CHIC1: variants seen among roughly 807,000 people sequenced by gnomAD.
CHIC1 encodes cysteine-rich hydrophobic domain-containing protein 1.
Under a neutral mutation model 18.5 loss-of-function variants are expected in CHIC1, and 7 were observed. That is an observed-to-expected ratio of 0.38 (90% CI 0.22 to 0.71). The LOEUF is 0.71. Ranked by LOEUF, CHIC1 falls within the 30% of genes least tolerant of loss-of-function variation. CHIC1 has a pLI of 0.49. For synonymous variants in CHIC1, 77 were observed against 73.5 expected, an observed-to-expected ratio of 1.05 and a Z score of -0.25; for missense variants, 159 against 176.9, an observed-to-expected ratio of 0.90 and a Z score of 0.57.
intron 3 of CHIC1, among the ~76,000 whole-genome samples, chrX:73,658,030 G>T (rs1156639879): frequency 1.8e-5 from 2 of 110,968 alleles, no homozygotes; most frequent in Admixed American, 1.9e-4. Flanking sequence ...GTATTTTGTT[G>T]AGGATTTTTG....
At chrX:73,624,789 C>T (rs1174851013) in intron 3 of CHIC1, among the ~76,000 whole-genome samples, 1 of 111,773 alleles carries the variant, frequency 8.9e-6, no homozygotes, top group African/African-American at 3.3e-5. Flanking sequence ...GATCCTAAGC[C>T]CATGTTCTAT....
rs1233578164 is a variant in CHIC1, at chrX:73,655,526, GTA to G, written c.508-23789_508-23788del. On this transcript the variant is annotated intron_variant, in intron 3 of 5. Coordinates refer to ENST00000373502, the MANE Select transcript of CHIC1 (RefSeq NM_001039840.4). ...TATATACATATATACACAATATTGT[GTA>G]TATATATATACATATATATACAATA... Among the ~76,000 whole-genome samples, 85 of 69,518 alleles carry G rather than the reference GTA, an allele frequency of 1.2e-3. 1 individual carries two copies. Among genetic ancestry groups the G allele is most frequent in the African/African-American group, 5.1e-3 (73 of 14,441 alleles). The allele number at this position is 69,518 out of a possible 115,157, so 60.4% of individuals were successfully genotyped here.
chrX:73,626,679 A>T (rs1427395018), intron 3 of CHIC1, among the ~76,000 whole-genome samples: 2 of 110,993 alleles, frequency 1.8e-5, no homozygotes, highest in African/African-American at 6.6e-5. Flanking sequence ...AATTTATCCG[A>T]TAGAATTCTG....
At chrX:73,669,224 C>T (rs1441144714) in intron 3 of CHIC1, among the ~76,000 whole-genome samples, 1 of 111,962 alleles carries the variant, frequency 8.9e-6, no homozygotes. Flanking sequence ...TTTCCTCTCT[C>T]CCAGGCACTC....
intron 1 of CHIC1, among the ~76,000 whole-genome samples, chrX:73,567,437 C>T (rs190644758): frequency 9.0e-6 from 1 of 110,888 alleles, no homozygotes; most frequent in African/African-American, 3.3e-5. Context: ...GTTCTCCCCA[C>T]TCACACTTCC....
chrX:73,651,844 C>T (rs1336922665), intron 3 of CHIC1, among the ~76,000 whole-genome samples: 2 of 111,812 alleles, frequency 1.8e-5, no homozygotes, highest in Non-Finnish European at 3.8e-5. Context: ...ATGCTCTTCC[C>T]ATCAAACTAC....
At position 73,642,126 on chromosome X, in the gene CHIC1, A is replaced by T. The variant is rs758524308; in HGVS notation, c.508-37200A>T. 4.5e-5 allele frequency among the ~76,000 whole-genome samples: 5 copies of T among 111,832 alleles called. No homozygotes were observed. In the South Asian group the frequency reaches 1.9e-3, roughly 42 times the overall value. On this transcript the variant is annotated intron_variant, in intron 3 of 5. Coordinates refer to ENST00000373502, the MANE Select transcript of CHIC1 (RefSeq NM_001039840.4). ...TCCACAAGGATCGAACTAGTTTACAATCCCACCAACAGTGTAAAAGTGTTC... is the reference window on the plus strand; with the variant it reads ...TCCACAAGGATCGAACTAGTTTACATTCCCACCAACAGTGTAAAAGTGTTC...
At chrX:73,654,958 G>A (rs2057934852) in intron 3 of CHIC1, among the ~76,000 whole-genome samples, 2 of 110,701 alleles carry the variant, frequency 1.8e-5, no homozygotes, top group Non-Finnish European at 3.8e-5. Flanking sequence ...TTGTTACATA[G>A]GTAAATGTGT....
intron 3 of CHIC1, among the ~76,000 whole-genome samples, chrX:73,599,176 GTTGT>G (rs1315513506): frequency 9.0e-6 from 1 of 110,642 alleles, no homozygotes; most frequent in Non-Finnish European, 1.9e-5. Flanking sequence ...TTTTGATGGC[GTTGT>G]TTGTTTTTTT....
chrX:73,664,099 T>G (rs955304659), intron 3 of CHIC1, among the ~76,000 whole-genome samples: 2 of 111,133 alleles, frequency 1.8e-5, no homozygotes, highest in African/African-American at 6.6e-5. Flanking sequence ...GACTGTGGGC[T>G]TTTCATCTGA....
chrX:73,616,420 G>A (rs770384506), intron 3 of CHIC1, among the ~76,000 whole-genome samples: 1 of 111,621 alleles, frequency 9.0e-6, no homozygotes, highest in Admixed American at 9.4e-5. Context: ...GAGAGCTGTC[G>A]GTGGATCTAC....
rs772074878 is a variant in CHIC1, at chrX:73,651,649, A to AT, written c.508-27676dup. ...TCACACTTGCTACAAAGAGAATAAA[A>AT]TACCTAAGGATACAGCTAATAAGGG... is the stretch of plus-strand genomic sequence containing the variant. On this transcript the variant is annotated intron_variant, in intron 3 of 5. Transcript: ENST00000373502. Among the ~76,000 whole-genome samples, 20 of 111,131 alleles carry AT rather than the reference A, an allele frequency of 1.8e-4. 1 individual carries two copies. The East Asian group carries it at 5.7e-3, about 32-fold the overall frequency.
At chrX:73,572,978 T>C (rs1273485528) in intron 1 of CHIC1, among the ~76,000 whole-genome samples, 1 of 111,711 alleles carries the variant, frequency 9.0e-6, no homozygotes, top group Non-Finnish European at 1.9e-5. Context: ...TTTGTTTTTG[T>C]TGCAGTTGCT....
At chrX:73,567,771 C>G (rs1222327711) in intron 1 of CHIC1, among the ~76,000 whole-genome samples, 1 of 109,941 alleles carries the variant, frequency 9.1e-6, no homozygotes, top group Admixed American at 9.7e-5. Context: ...ATTTCCCTTA[C>G]TGCTTGTATG....
chrX:73,604,126 T>C lies in CHIC1; in HGVS notation c.507+19554T>C, dbSNP rs1394179949. Among the ~76,000 whole-genome samples the C allele has an allele frequency of 2.8e-5, 3 of 106,186 alleles. 1 individual carries two copies. Among genetic ancestry groups the C allele is most frequent in the African/African-American group, 1.1e-4 (3 of 26,997 alleles). 92.2% of individuals were successfully genotyped at this position (106,186 alleles called of 115,157 possible). A position where few individuals can be genotyped will look rare whatever the true frequency, so the allele number is the denominator to read the frequency against. ...CTGGTAGAATTCAGCTGTGAATCCA[T>C]CTGGCCCTGGGCTTTTTTCAGTTGG... is the stretch of plus-strand genomic sequence containing the variant. On this transcript the variant is annotated intron_variant, in intron 3 of 5. Transcript: ENST00000373502.
intron 3 of CHIC1, among the ~76,000 whole-genome samples, chrX:73,623,788 A>T (rs1380327597): frequency 1.8e-5 from 2 of 111,943 alleles, no homozygotes; most frequent in African/African-American, 6.5e-5. Flanking sequence ...AAGATTACCT[A>T]AGTCACATGA....
rs751244244 is a variant in CHIC1, at chrX:73,681,006, G to A, written c.*1G>A. 1.8e-6 allele frequency: 2 copies of A among 1,103,168 alleles called. No homozygotes were observed. Among genetic ancestry groups the A allele is most frequent in the South Asian group, 2.1e-5 (1 of 48,465 alleles). 90.9% of individuals were successfully genotyped at this position (1,103,168 alleles called of 1,213,427 possible). ...ATATCCCATATTCCGACCTGACTGA[G>A]GAGTTTTATCCAGTCACTTCTGTGT... On this transcript the variant is annotated 3_prime_UTR_variant, in exon 6 of 6. Coordinates refer to ENST00000373502, the MANE Select transcript of CHIC1 (RefSeq NM_001039840.4).
At chrX:73,598,376 A>G (rs2057622399) in intron 3 of CHIC1, among the ~76,000 whole-genome samples, 3 of 105,927 alleles carry the variant, frequency 2.8e-5, no homozygotes, top group African/African-American at 1.0e-4. Flanking sequence ...ACATGTGCAC[A>G]TTGTGCAGGT....
intron 3 of CHIC1, among the ~76,000 whole-genome samples, chrX:73,670,664 A>C (rs2058025828): frequency 9.0e-6 from 1 of 111,089 alleles, no homozygotes; most frequent in African/African-American, 3.3e-5. Context: ...ATTTATTGCT[A>C]TAAACTTCTT....
Sources: gnomAD v4.1 joint callset for allele counts (sites outside exome capture counted in the v4.1 genomes callset) on GRCh38, gnomAD v4.1.1 for gene constraint, MANE v1.5 for transcripts, NCBI Gene and HGNC (gene_info 2026-07-23, HGNC 2026-07-21) for gene names.